SEC14L6: variants seen among roughly 807,000 people sequenced by gnomAD.
SEC14L6 encodes the protein SEC14-like protein 6.
SEC14L6 carries 40 observed loss-of-function variants against 54.1 expected under a neutral mutation model. The observed-to-expected ratio is 0.74, with a 90% CI of 0.57 to 0.96. The LOEUF (loss-of-function observed/expected upper bound fraction) is 0.96. Ranked by LOEUF, SEC14L6 falls within the 40% of genes least tolerant of loss-of-function variation. SEC14L6 has a pLI of 0.00. For synonymous variants in SEC14L6, 171 were observed against 198.4 expected, an observed-to-expected ratio of 0.86 and a Z score of 1.16; for missense variants, 471 against 498.3, an observed-to-expected ratio of 0.95 and a Z score of 0.52.
chr22:30,527,816 A>C (rs1025626689), intron 8 of SEC14L6, among the ~76,000 whole-genome samples: 5 of 150,832 alleles, frequency 3.3e-5, no homozygotes, highest in African/African-American at 1.2e-4. Flanking sequence ...AAAACTGTGG[A>C]TGTGTACAAA....
At chr22:30,543,639 C>T in intron 1 of SEC14L6, 1 of 1,613,150 alleles carries the variant, frequency 6.2e-7, no homozygotes, top group Non-Finnish European at 8.5e-7. Context: ...AGGAGCAGAG[C>T]TCAAATACCG....
chr22:30,536,746 C>T (rs111483347), intron 2 of SEC14L6, among the ~76,000 whole-genome samples: 1,643 of 152,060 alleles, frequency 0.011, 36 homozygotes, highest in Admixed American at 0.055. Context: ...GATAAATGGC[C>T]GGGCACAGTG....
chr22:30,524,869 ATAGGCTGTG>A lies in SEC14L6; in HGVS notation c.*119_*127del. The A allele has an allele frequency of 1.5e-6, 1 of 648,566 alleles. No homozygotes were observed. Among genetic ancestry groups the A allele is most frequent in the South Asian group, 1.8e-5 (1 of 56,662 alleles). 40.2% of individuals were successfully genotyped at this position (648,566 alleles called of 1,614,324 possible). On this transcript the variant is annotated 3_prime_UTR_variant, in exon 12 of 12. Coordinates refer to ENST00000402034, the MANE Select transcript of SEC14L6 (RefSeq NM_001193336.4). ...CTGAGGAGTGGGCCAGCTGTGATGC[ATAGGCTGTG>A]ACCTGCTGTTGTAGAATCCCTGTTC...
intron 1 of SEC14L6, chr22:30,543,166 C>A: frequency 3.7e-6 from 6 of 1,603,784 alleles, no homozygotes; most frequent in Non-Finnish European, 5.1e-6. Flanking sequence ...CAACGTGGAC[C>A]CCGCAAGAGA....
intron 8 of SEC14L6, among the ~76,000 whole-genome samples, chr22:30,527,714 CAAAAAAA>C (rs778118906): frequency 9.9e-5 from 3 of 30,152 alleles, no homozygotes; most frequent in South Asian, 2.3e-3. Flanking sequence ...GACCTTGTCT[CAAAAAAA>C]AAAAAAAAAA....
At chr22:30,546,475 G>A (rs1209559378) in intron 1 of SEC14L6, among the ~76,000 whole-genome samples, 154 bp downstream of exon 1, 4 of 151,046 alleles carry the variant, frequency 2.6e-5, no homozygotes, top group African/African-American at 7.3e-5. Context: ...CTATTGGTTA[G>A]TGCTGGTGTA....
chr22:30,530,135 C>T (rs968791684), intron 6 of SEC14L6, among the ~76,000 whole-genome samples: 2 of 151,994 alleles, frequency 1.3e-5, no homozygotes, highest in African/African-American at 4.8e-5. Flanking sequence ...ATTGTCCGGG[C>T]GTGGTGGCTC....
intron 1 of SEC14L6, chr22:30,543,255 G>A (rs2085756638): frequency 1.3e-6 from 2 of 1,594,576 alleles, no homozygotes; most frequent in Non-Finnish European, 1.7e-6. Context: ...TCATCTGCGA[G>A]GTGGCCCACG....
chr22:30,524,713 T>C lies in SEC14L6; in HGVS notation c.*284A>G, dbSNP rs895590901. The C allele has an allele frequency of 3.1e-5, 10 of 318,580 alleles. No homozygotes were observed. Among genetic ancestry groups the C allele is most frequent in the Admixed American group, 2.6e-4 (6 of 23,340 alleles). 19.7% of individuals were successfully genotyped at this position (318,580 alleles called of 1,614,324 possible). A position where few individuals can be genotyped will look rare whatever the true frequency, so the allele number is the denominator to read the frequency against. On this transcript the variant is annotated 3_prime_UTR_variant, in exon 12 of 12. Transcript: ENST00000402034. The stretch of plus-strand genomic sequence containing the variant: ...TTTAGAAGAGTAACTTATTTCTTGG[T>C]ATTGGTTGATAGAAAAAAGCCTGGG...
intron 1 of SEC14L6, among the ~76,000 whole-genome samples, chr22:30,545,934 G>A (rs1601907224): frequency 6.6e-6 from 1 of 151,890 alleles, no homozygotes; most frequent in East Asian, 2.0e-4. Flanking sequence ...GGGTTCAAAC[G>A]ATTCTCCTGC....
In SEC14L6 at chr22:30,525,748, G is replaced by T; in HGVS notation, c.774C>A (p.Ile258=). 1 of 1,613,948 alleles carries T rather than the reference G, an allele frequency of 6.2e-7. No individual in the cohort carries two copies. The highest frequency in any genetic ancestry group is 8.5e-7 in the Non-Finnish European group (1 of 1,179,890). Residue 258 remains isoleucine (I), a splice_region_variant and synonymous_variant, in exon 10 of 12, where the codon ATC becomes ATA. Transcript: ENST00000402034. ...PDGNPKCLTK[I]NYGGEVPKSY... The stretch of plus-strand genomic sequence containing the variant: ...TCTTGGGCACCTCACCCCCGTAGTT[G>T]ATCTGTGGGTGAAGGGGGTGTGTGG...
chr22:30,535,701 C>T (rs1167859914), intron 2 of SEC14L6, among the ~76,000 whole-genome samples: 1 of 152,036 alleles, frequency 6.6e-6, no homozygotes, highest in Non-Finnish European at 1.5e-5. Context: ...GCTACTATGT[C>T]ATAGCTTTTG....
At position 30,532,519 on chromosome 22, in the gene SEC14L6, A is replaced by G. The variant is rs1228521331; in HGVS notation, c.423+6T>C. On this transcript the variant is annotated splice_donor_region_variant and intron_variant, in intron 5 of 11. Coordinates refer to ENST00000402034, the MANE Select transcript of SEC14L6 (RefSeq NM_001193336.4). ...GCTGCAGCTGCCCAGGGTGGCACCC[A>G]CACACCTTCTGACTCTGCAGCTCAC... The G allele has an allele frequency of 6.5e-7, 1 of 1,545,524 alleles. No homozygotes were observed. The highest frequency in any genetic ancestry group is 2.0e-5 in the Admixed American group (1 of 50,756).
intron 8 of SEC14L6, among the ~76,000 whole-genome samples, chr22:30,527,560 GTCC>G (rs937284159): frequency 6.6e-6 from 1 of 151,656 alleles, no homozygotes; most frequent in Non-Finnish European, 1.5e-5. Flanking sequence ...GTTATCAAAA[GTCC>G]TAACATGTAA....
At position 30,529,148 on chromosome 22, in the gene SEC14L6, G is replaced by A; in HGVS notation, c.603C>T (p.Ala201=). 6.4e-7 allele frequency: 1 copy of A among 1,551,210 alleles called. No homozygotes were observed. The highest frequency in any genetic ancestry group is 1.4e-5 in the African/African-American group (1 of 73,070). Residue 201 remains alanine, a synonymous_variant, in exon 8 of 12, where the codon GCC becomes GCT. Transcript: ENST00000402034. ...TCATGTAAGACTTGACCAGGTTGAA[G>A]GCTACGGCGAATAGCTTGGGGGCTG... ...VVRAPKLFAV[A]FNLVKSYMSE... is the part of the protein sequence containing the mutation.
At chr22:30,535,031 TAAAAAGAAAAA>T (rs1937100864) in intron 2 of SEC14L6, among the ~76,000 whole-genome samples, 1 of 69,536 alleles carries the variant, frequency 1.4e-5, no homozygotes. Context: ...TCTGTCCCTA[TAAAAAGAAAAA>T]AAAAAGAAAA....
chr22:30,538,992 G>C, intron 1 of SEC14L6, 90 bp from the exon 2 acceptor site: 1 of 862,878 alleles, frequency 1.2e-6, no homozygotes, highest in Non-Finnish European at 1.9e-6. Context: ...GGATGTCTGA[G>C]TGAAGAGGTC....
chr22:30,543,766 A>C (rs953558674), intron 1 of SEC14L6: 3 of 1,555,788 alleles, frequency 1.9e-6, no homozygotes, highest in Non-Finnish European at 2.7e-6. Context: ...CAGACAGAAG[A>C]AAGCCCAGGG....
In SEC14L6 at chr22:30,524,955, T is replaced by C. The variant is rs910619935; in HGVS notation, c.*42A>G. On this transcript the variant is annotated 3_prime_UTR_variant, in exon 12 of 12. Coordinates refer to ENST00000402034, the MANE Select transcript of SEC14L6 (RefSeq NM_001193336.4). The stretch of plus-strand genomic sequence containing the variant: ...GGGAAGGCTGTGAACTCATTGTGGA[T>C]TCAGAGATCAAAGAGGAGGGTGTGG... 9.9e-7 allele frequency: 1 copy of C among 1,012,812 alleles called. No homozygotes were observed. Among genetic ancestry groups the C allele is most frequent in the South Asian group, 1.4e-5 (1 of 73,222 alleles). The allele number at this position is 1,012,812 out of a possible 1,614,324, so 62.7% of individuals were successfully genotyped here.
Sources: gnomAD v4.1 joint callset for allele counts (sites outside exome capture counted in the v4.1 genomes callset) on GRCh38, gnomAD v4.1.1 for gene constraint, MANE v1.5 for transcripts, NCBI Gene and HGNC (gene_info 2026-07-23, HGNC 2026-07-21) for gene names.